The following CTNNA2 variants were observed in gnomAD, a reference collection of about 807,000 sequenced individuals.
CTNNA2 encodes catenin alpha-2.
Under a neutral mutation model 101.0 loss-of-function variants are expected in CTNNA2, and 42 were observed. That is an observed-to-expected ratio of 0.42 (90% CI 0.32 to 0.54). The LOEUF (loss-of-function observed/expected upper bound fraction) is 0.54. CTNNA2 is among the 20% of genes least tolerant of loss of function. The pLI, the probability that CTNNA2 is intolerant of heterozygous loss-of-function variation, is 0.14. For synonymous variants in CTNNA2, 450 were observed against 456.4 expected, an observed-to-expected ratio of 0.99 and a Z score of 0.18; for missense variants, 871 against 1,223.1, an observed-to-expected ratio of 0.71 and a Z score of 4.29.
intron 4 of CTNNA2, among the ~76,000 whole-genome samples, chr2:79,401,264 C>A (rs919599486): frequency 6.6e-6 from 1 of 151,482 alleles, no homozygotes; most frequent in African/African-American, 2.4e-5. Context: ...TTACAGTATA[C>A]CCACAAATTT....
At chr2:80,345,838 T>C (rs536757482) in intron 7 of CTNNA2, among the ~76,000 whole-genome samples, 74 of 152,296 alleles carry the variant, frequency 4.9e-4, no homozygotes, top group African/African-American at 1.8e-3. Flanking sequence ...CCAAGGATGT[T>C]TTCCACACCC....
In CTNNA2 at chr2:80,585,353, G is replaced by A. The variant is rs1573365410; in HGVS notation, c.2007+3534G>A. Among the ~76,000 whole-genome samples, 3 of 152,228 alleles carry A rather than the reference G, an allele frequency of 2.0e-5. No homozygotes were observed. The South Asian group carries it at 6.2e-4, about 32-fold the overall frequency. On this transcript the variant is annotated intron_variant, in intron 14 of 18. Coordinates refer to ENST00000402739, the MANE Select transcript of CTNNA2 (RefSeq NM_001282597.3). ...TGGTGGTTCAGAGGAAAGGCTGGGA[G>A]GGACTCTGGGGTAGGGGGAAGGAAT...
At chr2:80,388,382 T>C (rs1208068619) in intron 7 of CTNNA2, among the ~76,000 whole-genome samples, 1 of 152,152 alleles carries the variant, frequency 6.6e-6, no homozygotes, top group East Asian at 1.9e-4. Flanking sequence ...CTATGTCTTT[T>C]TATGCTCCCC....
chr2:80,417,028 T>C (rs1680103330), intron 8 of CTNNA2, among the ~76,000 whole-genome samples: 1 of 152,028 alleles, frequency 6.6e-6, no homozygotes, highest in East Asian at 1.9e-4. Flanking sequence ...CCCCTCGTTT[T>C]TCTTTAGAAT....
intron 6 of CTNNA2, among the ~76,000 whole-genome samples, chr2:79,878,297 G>A (rs572985291): frequency 3.3e-5 from 5 of 152,178 alleles, no homozygotes; most frequent in African/African-American, 1.2e-4. Context: ...GTGGCTTTAC[G>A]GTAGAAAGAC....
chr2:79,252,101 T>C (rs1481404529), intron 2 of CTNNA2, among the ~76,000 whole-genome samples: 1 of 152,266 alleles, frequency 6.6e-6, no homozygotes, highest in South Asian at 2.1e-4. Context: ...TTTACATTCT[T>C]CTCTACCCAG....
intron 7 of CTNNA2, among the ~76,000 whole-genome samples, chr2:80,356,388 C>T (rs1341244424): frequency 6.6e-6 from 1 of 152,076 alleles, no homozygotes; most frequent in Non-Finnish European, 1.5e-5. Flanking sequence ...ATTCCAACTG[C>T]GAATCCTGCA....
At chr2:79,828,429 T>C (rs533917013) in intron 3 of CTNNA2, among the ~76,000 whole-genome samples, 35 of 152,352 alleles carry the variant, frequency 2.3e-4, no homozygotes, top group Middle Eastern at 3.4e-3. Flanking sequence ...ACTCAGTGCC[T>C]GGCAGAAAAT....
chr2:79,541,427 C>CACACACAT (rs1485339148), intron 1 of CTNNA2, among the ~76,000 whole-genome samples: 5 of 142,794 alleles, frequency 3.5e-5, no homozygotes, highest in African/African-American at 1.0e-4. Context: ...CGCACACACA[C>CACACACAT]ATATATATAT....
intron 2 of CTNNA2, among the ~76,000 whole-genome samples, chr2:79,203,993 A>G (rs1674069617): frequency 6.6e-6 from 1 of 152,178 alleles, no homozygotes; most frequent in Non-Finnish European, 1.5e-5. Flanking sequence ...ACTCATCTCA[A>G]CCCATTAAAT....
chr2:80,229,963 C>A (rs904225760), intron 7 of CTNNA2, among the ~76,000 whole-genome samples: 1 of 151,994 alleles, frequency 6.6e-6, no homozygotes, highest in Admixed American at 6.6e-5. Flanking sequence ...GATTACAATA[C>A]CCTATTTTTA....
intron 7 of CTNNA2, among the ~76,000 whole-genome samples, chr2:80,382,754 G>C (rs1676634544): frequency 6.6e-6 from 1 of 152,208 alleles, no homozygotes; most frequent in African/African-American, 2.4e-5. Flanking sequence ...TCAGCAATGT[G>C]GACCCAGTTA....
At chr2:79,851,794 T>C (rs111731810) in intron 3 of CTNNA2, among the ~76,000 whole-genome samples, 1,432 of 129,006 alleles carry the variant, frequency 0.011, 40 homozygotes, top group African/African-American at 0.04. Flanking sequence ...TAGACTGCAG[T>C]GCAATGGTAT....
chr2:80,037,286 C>G, intron 7 of CTNNA2, among the ~76,000 whole-genome samples: 1 of 152,076 alleles, frequency 6.6e-6, no homozygotes, highest in East Asian at 1.9e-4. Context: ...ATTTTTAACA[C>G]AATAAGGTAA....
chr2:80,475,212 A>G (rs1317566913), intron 9 of CTNNA2, among the ~76,000 whole-genome samples: 2 of 152,194 alleles, frequency 1.3e-5, no homozygotes, highest in African/African-American at 4.8e-5. Flanking sequence ...GAAGTGGCCA[A>G]CAGTATCCCT....
At chr2:79,796,113 A>G (rs1416371532) in intron 3 of CTNNA2, among the ~76,000 whole-genome samples, 1 of 152,196 alleles carries the variant, frequency 6.6e-6, no homozygotes, top group East Asian at 1.9e-4. Context: ...TATATTTTGT[A>G]TGTTTTTGAT....
chr2:79,228,770 T>C (rs1306890961), intron 2 of CTNNA2, among the ~76,000 whole-genome samples: 1 of 152,160 alleles, frequency 6.6e-6, no homozygotes, highest in Non-Finnish European at 1.5e-5. Context: ...GTTCCACTTA[T>C]CAATTTTCAT....
At chr2:79,758,348 A>C (rs1265186285) in intron 3 of CTNNA2, among the ~76,000 whole-genome samples, 1 of 152,220 alleles carries the variant, frequency 6.6e-6, no homozygotes, top group African/African-American at 2.4e-5. Flanking sequence ...GATGCAAACC[A>C]GGCAGTCTTC....
At chr2:80,282,448 C>T (rs1478958160) in intron 7 of CTNNA2, among the ~76,000 whole-genome samples, 1 of 151,988 alleles carries the variant, frequency 6.6e-6, no homozygotes, top group Non-Finnish European at 1.5e-5. Flanking sequence ...CATAGTACAA[C>T]TCACATTTAC....
Sources: allele counts gnomAD v4.1 joint callset (sites outside exome capture counted in the v4.1 genomes callset), GRCh38; gene constraint gnomAD v4.1.1; transcripts MANE v1.5; gene names NCBI Gene and HGNC (gene_info 2026-07-23, HGNC 2026-07-21).